LBP: variants seen among roughly 807,000 people sequenced by gnomAD.
LBP encodes lipopolysaccharide binding protein.
LBP carries 53 observed loss-of-function variants against 56.6 expected under a neutral mutation model. The observed-to-expected ratio is 0.94, with a 90% CI of 0.75 to 1.18. The LOEUF is 1.18. LBP is among the 50% of genes most tolerant of loss of function. The pLI is 0.00. For synonymous variants in LBP, 227 were observed against 247.5 expected (o/e 0.92, Z 0.78); for missense variants, 601 against 598.3 (o/e 1.00, Z -0.05).
rs1299035551 is a variant in LBP, at chr20:38,364,750, A to G, written c.919A>G (p.Met307Val). Reference protein sequence around the residue: ...GYLNFSITDDMIPPDSNIRLT... With the variant: ...GYLNFSITDDVIPPDSNIRLT... The stretch of plus-strand genomic sequence containing the variant: ...TCTGAACTTCTCCATCACAGATGAC[A>G]TGGTGAGGATGGTGGCAAACAGGTC... The change falls in exon 8 of 15, where the codon ATG becomes GTG. Residue 307 changes from methionine to valine, a missense_variant and splice_region_variant. By Grantham distance (21) the Met-to-Val change is conservative. Coordinates refer to ENST00000217407, the MANE Select transcript of LBP (RefSeq NM_004139.5). 3 of 1,602,908 alleles carry G rather than the reference A, an allele frequency of 1.9e-6. No homozygotes were observed. The highest frequency in any genetic ancestry group is 1.1e-5 in the South Asian group (1 of 88,616).
At chr20:38,366,404 G>A (rs539606433) in intron 8 of LBP, among the ~76,000 whole-genome samples, 27 of 152,262 alleles carry the variant, frequency 1.8e-4, no homozygotes, top group African/African-American at 6.5e-4. Context: ...ACAGTGACTC[G>A]AAGGTGGGGA....
At chr20:38,374,728 TATAA>T (rs560471527) in intron 14 of LBP, among the ~76,000 whole-genome samples, 25 of 151,876 alleles carry the variant, frequency 1.6e-4, no homozygotes, top group African/African-American at 5.8e-4. Flanking sequence ...AGAGCTTTAT[TATAA>T]ATACCTGTTT....
rs140999190 is a variant in LBP at position 38,370,291 on chromosome 20, G to A, written c.1150-447G>A. Among the ~76,000 whole-genome samples, 50 of 152,162 alleles carry A rather than the reference G, an allele frequency of 3.3e-4. 1 individual carries two copies. The highest frequency in any genetic ancestry group is 2.9e-3 in the Admixed American group (45 of 15,280). ...CTCAGGGGGTTGATGTGGGAGGATC[G>A]CTTGAGCCCAGGAGATTGAGGCTGC... On this transcript the variant is annotated intron_variant, in intron 10 of 14. Coordinates refer to ENST00000217407, the MANE Select transcript of LBP (RefSeq NM_004139.5).
In LBP at chr20:38,349,528, CA is replaced by C. The variant is rs1207500214; in HGVS notation, c.125-19del. ...GAGGCAGGCAGATCAAGCTGACTCC[CA>C]GCTATTTCCTTTCCACAGCGGCCCA... is the stretch of plus-strand genomic sequence containing the variant. On this transcript the variant is annotated intron_variant, in intron 1 of 14. Transcript: ENST00000217407. 3 of 1,567,868 alleles carry C rather than the reference CA, an allele frequency of 1.9e-6. No homozygotes were observed. The highest frequency in any genetic ancestry group is 2.6e-6 in the Non-Finnish European group (3 of 1,153,374).
Position 38,369,169 on chromosome 20 carries a change from T to A in LBP, c.1149+7T>A, listed in dbSNP as rs779282231. 2 of 1,600,900 alleles carry A rather than the reference T, an allele frequency of 1.2e-6. No individual in the cohort carries two copies. The highest frequency in any genetic ancestry group is 2.3e-5 in the South Asian group (2 of 88,748). On this transcript the variant is annotated splice_region_variant and intron_variant, in intron 10 of 14. Coordinates refer to ENST00000217407, the MANE Select transcript of LBP (RefSeq NM_004139.5). Reference sequence around the variant, plus strand: ...TGTCTTCCGGCTCAGTGTGGTAAGGTTCAGAGCCTTTGCAAATGCTGTTTC... The same window carrying A: ...TGTCTTCCGGCTCAGTGTGGTAAGGATCAGAGCCTTTGCAAATGCTGTTTC...
At position 38,369,103 on chromosome 20, in the gene LBP, ATAGAT is replaced by A; in HGVS notation, c.1091_1095del (p.Ile364SerfsTer21). On this transcript the variant is annotated frameshift_variant, in exon 10 of 15. Coordinates refer to ENST00000217407, the MANE Select transcript of LBP (RefSeq NM_004139.5). LOFTEE classifies it high-confidence loss of function. ...TCTGTCTGTGGACCCCTATATGGAG[ATAGAT>A]GCCTTTGTGCTCCTGCCCAGCTCCA... 1 of 1,614,084 alleles carries A rather than the reference ATAGAT, an allele frequency of 6.2e-7. No homozygotes were observed. Among genetic ancestry groups the A allele is most frequent in the Non-Finnish European group, 8.5e-7 (1 of 1,180,000 alleles).
intron 5 of LBP, among the ~76,000 whole-genome samples, chr20:38,358,352 C>T (rs1423115703): frequency 6.6e-6 from 1 of 152,170 alleles, no homozygotes. Context: ...GTCGCATCCT[C>T]AGGAGGCCCT....
intron 6 of LBP, 150 bp from the exon 7 acceptor site, chr20:38,363,825 T>G (rs1226535149): frequency 1.6e-6 from 1 of 625,344 alleles, no homozygotes; most frequent in Non-Finnish European, 2.9e-6. Context: ...AGTGTCTTTC[T>G]TGAAGAAGCA....
chr20:38,350,516 G>A (rs2076816735), intron 2 of LBP, among the ~76,000 whole-genome samples: 1 of 152,192 alleles, frequency 6.6e-6, no homozygotes, highest in South Asian at 2.1e-4. Context: ...AGATTCATGG[G>A]TTCTGATGCA....
intron 5 of LBP, among the ~76,000 whole-genome samples, chr20:38,360,423 A>G (rs1238656529): frequency 6.6e-6 from 1 of 152,218 alleles, no homozygotes. Flanking sequence ...GTCTCCAGCC[A>G]GTGCCCCCTC....
At chr20:38,371,075 A>T (rs192048350) in intron 11 of LBP, among the ~76,000 whole-genome samples, 59 of 152,296 alleles carry the variant, frequency 3.9e-4, no homozygotes, top group Non-Finnish European at 6.9e-4. Context: ...GAGCTTTTTG[A>T]CACTATCTCA....
intron 2 of LBP, 137 bp from the exon 3 acceptor site, chr20:38,350,674 C>G (rs1422700517): frequency 3.3e-6 from 3 of 922,040 alleles, no homozygotes; most frequent in Non-Finnish European, 4.8e-6. Flanking sequence ...AAGATCGATG[C>G]CTGGGGCACA....
chr20:38,349,008 T>C (rs569877713), intron 1 of LBP, among the ~76,000 whole-genome samples: 7 of 151,826 alleles, frequency 4.6e-5, no homozygotes, highest in African/African-American at 1.7e-4. Flanking sequence ...TTGGCCAGGC[T>C]GGTCTCGAAC....
At chr20:38,349,204 C>A (rs543260287) in intron 1 of LBP, among the ~76,000 whole-genome samples, 1 of 152,298 alleles carries the variant, frequency 6.6e-6, no homozygotes, top group Admixed American at 6.5e-5. Context: ...GCCCCCAGAT[C>A]CTTCCAGTTT....
At chr20:38,371,356 G>C (rs766795301) in intron 12 of LBP, 34 bp downstream of exon 12, 7 of 1,489,468 alleles carry the variant, frequency 4.7e-6, no homozygotes, top group Non-Finnish European at 6.5e-6. Flanking sequence ...TGATTAGAAT[G>C]TTAATTAATT....
chr20:38,373,231 G>A (rs1255645090), intron 13 of LBP, 96 bp downstream of exon 13: 6 of 1,042,172 alleles, frequency 5.8e-6, no homozygotes, highest in Admixed American at 5.5e-5. Context: ...CCTGGGGGCT[G>A]TATGACCGTG....
chr20:38,368,170 A>G (rs558407292), intron 9 of LBP, among the ~76,000 whole-genome samples: 1 of 152,340 alleles, frequency 6.6e-6, no homozygotes, highest in South Asian at 2.1e-4. Flanking sequence ...TTTCGAAAAC[A>G]CTGGCATCTG....
intron 9 of LBP, among the ~76,000 whole-genome samples, 184 bp from the exon 10 acceptor site, chr20:38,368,811 G>A (rs2076891394): frequency 6.6e-6 from 1 of 152,150 alleles, no homozygotes; most frequent in Admixed American, 6.5e-5. Flanking sequence ...AATAGATGGT[G>A]CAGACTCTGT....
rs373309767 is a variant in LBP at position 38,350,846 on chromosome 20, C to T, written c.275C>T (p.Ala92Val). 7 of 1,613,530 alleles carry T rather than the reference C, an allele frequency of 4.3e-6. No homozygotes were observed. The highest frequency in any genetic ancestry group is 3.3e-5 in the Admixed American group (2 of 60,012). ...CACAGCTGTGAGCTGCTTCACTCTG[C>T]GCTGAGGCCTGTCCCTGGCCAGGGC... is the stretch of plus-strand genomic sequence containing the variant. Reference protein sequence around the residue: ...NIHSCELLHSALRPVPGQGLS... With the variant: ...NIHSCELLHSVLRPVPGQGLS... The change falls in exon 3 of 15, where the codon GCG (alanine) becomes GTG (valine). Residue 92 changes from alanine to valine, a missense_variant. Coordinates refer to ENST00000217407, the MANE Select transcript of LBP (RefSeq NM_004139.5).
Sources: gnomAD v4.1 joint callset for allele counts (sites outside exome capture counted in the v4.1 genomes callset) on GRCh38, gnomAD v4.1.1 for gene constraint, MANE v1.5 for transcripts, NCBI Gene and HGNC (gene_info 2026-07-23, HGNC 2026-07-21) for gene names.